Variants in ZBTB20 observed in about 807,000 individuals in gnomAD.
ZBTB20 encodes the protein zinc finger and BTB domain-containing protein 20.
In ZBTB20, 9 loss-of-function variants were observed where a neutral mutation model predicts 56.9. The ratio of observed to expected loss-of-function variants is 0.16; its 90% CI spans 0.10 to 0.28. The LOEUF is 0.28. Among genes scored for constraint, ZBTB20 ranks in the 10% least tolerant of loss-of-function variants. ZBTB20 has a pLI of 1.00. For synonymous variants in ZBTB20, 417 were observed against 420.7 expected, an observed-to-expected ratio of 0.99 and a Z score of 0.11; for missense variants, 655 against 1,003.0, an observed-to-expected ratio of 0.65 and a Z score of 4.69.
intron 2 of ZBTB20, among the ~76,000 whole-genome samples, chr3:115,029,246 A>T (rs1354439116): frequency 6.0e-5 from 9 of 150,870 alleles, no homozygotes; most frequent in Non-Finnish European, 1.2e-4. Flanking sequence ...GAATAAATTA[A>T]GACATCTTCC....
At chr3:114,601,738 A>G (rs1320289887) in intron 6 of ZBTB20, among the ~76,000 whole-genome samples, 1 of 152,034 alleles carries the variant, frequency 6.6e-6, no homozygotes, top group Non-Finnish European at 1.5e-5. Context: ...TTCAAAGTAT[A>G]GAGAGCAAGG....
intron 1 of ZBTB20, among the ~76,000 whole-genome samples, chr3:115,087,573 T>G (rs1472831148): frequency 6.6e-6 from 1 of 151,866 alleles, no homozygotes; most frequent in East Asian, 1.9e-4. Flanking sequence ...GAGAGCATCT[T>G]TATCAGCAAA....
At chr3:114,714,025 C>G (rs1456204701) in intron 5 of ZBTB20, 1 of 152,528 alleles carries the variant, frequency 6.6e-6, no homozygotes, top group Admixed American at 6.6e-5. Flanking sequence ...CCTAAAGAAT[C>G]AGATGCAAAA....
At chr3:114,805,075 G>T (rs2072003009) in intron 4 of ZBTB20, among the ~76,000 whole-genome samples, 1 of 151,724 alleles carries the variant, frequency 6.6e-6, no homozygotes, top group Non-Finnish European at 1.5e-5. Flanking sequence ...AACAATTTTA[G>T]AATTATGGAA....
chr3:114,341,658 T>C (rs1297885523), intron 11 of ZBTB20, among the ~76,000 whole-genome samples: 3 of 152,250 alleles, frequency 2.0e-5, no homozygotes, highest in African/African-American at 4.8e-5. Context: ...TTTCTCTCTA[T>C]AGCATATATA....
intron 7 of ZBTB20, among the ~76,000 whole-genome samples, chr3:114,395,894 A>G (rs2086289758): frequency 6.6e-6 from 1 of 152,128 alleles, no homozygotes; most frequent in South Asian, 2.1e-4. Context: ...GACAGTTCAT[A>G]AACTCTGTTA....
chr3:114,965,900 G>C (rs2077629344), intron 3 of ZBTB20, among the ~76,000 whole-genome samples: 1 of 151,878 alleles, frequency 6.6e-6, no homozygotes, highest in Non-Finnish European at 1.5e-5. Flanking sequence ...ATATATTTTG[G>C]ATATTAACCC....
chr3:114,365,504 G>A (rs777694894), intron 10 of ZBTB20, among the ~76,000 whole-genome samples: 5 of 152,198 alleles, frequency 3.3e-5, no homozygotes, highest in Non-Finnish European at 7.3e-5. Context: ...GGAACACAGT[G>A]TGTAGGGGGT....
intron 5 of ZBTB20, among the ~76,000 whole-genome samples, chr3:114,787,331 TTATA>T (rs138181405): frequency 0.072 from 7,197 of 100,402 alleles, 465 homozygotes; most frequent in East Asian, 0.19. Context: ...TCTTAAAAGG[TTATA>T]TATATATATA....
chr3:115,015,164 C>G (rs912409292), intron 2 of ZBTB20, among the ~76,000 whole-genome samples: 1 of 151,552 alleles, frequency 6.6e-6, no homozygotes, highest in African/African-American at 2.4e-5. Context: ...TGGAATGTGA[C>G]TAATTACATA....
intron 2 of ZBTB20, among the ~76,000 whole-genome samples, chr3:114,998,802 T>C (rs772602869): frequency 2.0e-5 from 3 of 151,542 alleles, no homozygotes; most frequent in Non-Finnish European, 4.4e-5. Flanking sequence ...TCAAGTTACT[T>C]ATGGGTTATT....
intron 6 of ZBTB20, among the ~76,000 whole-genome samples, chr3:114,511,261 T>C (rs995820732): frequency 6.6e-6 from 1 of 152,072 alleles, no homozygotes; most frequent in African/African-American, 2.4e-5. Context: ...GCCAGATAAA[T>C]GGAGCCAGAC....
chr3:114,550,231 C>T (rs914602598), intron 6 of ZBTB20, among the ~76,000 whole-genome samples: 3 of 152,194 alleles, frequency 2.0e-5, no homozygotes, highest in Non-Finnish European at 2.9e-5. Context: ...AGCCACTGTG[C>T]CCACCCTATA....
chr3:114,560,122 A>G (rs1474572807), intron 6 of ZBTB20, among the ~76,000 whole-genome samples: 1 of 152,200 alleles, frequency 6.6e-6, no homozygotes, highest in Non-Finnish European at 1.5e-5. Context: ...ATAATCTTCT[A>G]ATACAGTGAT....
intron 7 of ZBTB20, among the ~76,000 whole-genome samples, chr3:114,469,958 C>G (rs1424843397): frequency 6.6e-6 from 1 of 151,424 alleles, no homozygotes; most frequent in Non-Finnish European, 1.5e-5. Context: ...GAACGAAGGT[C>G]AAAATTACTG....
In ZBTB20 at chr3:114,440,316, C is replaced by T. The variant is rs115396419; in HGVS notation, c.-254-51211G>A. On this transcript the variant is annotated intron_variant, in intron 7 of 11. Coordinates refer to ENST00000675478, the MANE Select transcript of ZBTB20 (RefSeq NM_001348800.3). ...TACACTATTACACAGATAGGTTAAG[C>T]GATTTGTCCTGTAAGGAAGGGTGGA... Among the ~76,000 whole-genome samples, 630 of 151,976 alleles carry T rather than the reference C, an allele frequency of 4.1e-3. 4 individuals are homozygous for T. The highest frequency in any genetic ancestry group is 0.014 in the African/African-American group (591 of 41,474).
chr3:114,431,011 T>C (rs1276046625), intron 7 of ZBTB20, among the ~76,000 whole-genome samples: 1 of 152,216 alleles, frequency 6.6e-6, no homozygotes, highest in Admixed American at 6.5e-5. Context: ...TTTCTCCTCG[T>C]GCTAAGCTGG....
intron 6 of ZBTB20, among the ~76,000 whole-genome samples, chr3:114,654,922 C>T (rs185877596): frequency 1.3e-5 from 2 of 152,242 alleles, no homozygotes; most frequent in East Asian, 3.9e-4. Flanking sequence ...TACTCCTTGG[C>T]ATAAAGTCTA....
At chr3:114,926,241 T>A (rs1008353891) in intron 3 of ZBTB20, among the ~76,000 whole-genome samples, 1 of 142,732 alleles carries the variant, frequency 7.0e-6, no homozygotes, top group Non-Finnish European at 1.6e-5. Flanking sequence ...AGAAAAAGCC[T>A]CAGAAATGTG....
Sources: gnomAD v4.1 joint callset for allele counts (sites outside exome capture counted in the v4.1 genomes callset) on GRCh38, gnomAD v4.1.1 for gene constraint, MANE v1.5 for transcripts, NCBI Gene and HGNC (gene_info 2026-07-23, HGNC 2026-07-21) for gene names.